The following SERINC5 variants were observed in gnomAD, a reference collection of about 807,000 sequenced individuals.
SERINC5 encodes chromosome 5 open reading frame 12.
In SERINC5, 41 loss-of-function variants were observed where a neutral mutation model predicts 63.1. The observed-to-expected ratio is 0.65, with a 90% confidence interval of 0.51 to 0.84. The LOEUF is 0.84. SERINC5 is among the 40% of genes least tolerant of loss of function. The pLI, the probability that SERINC5 is intolerant of heterozygous loss-of-function variation, is 0.00. For synonymous variants in SERINC5, 222 were observed against 215.2 expected (o/e 1.03, Z -0.28); for missense variants, 523 against 573.0 (o/e 0.91, Z 0.89).
Position 80,142,376 on chromosome 5 carries a change from G to A in SERINC5, c.*1287C>T, listed in dbSNP as rs1371892729. 11 of 841,932 alleles carry A rather than the reference G, an allele frequency of 1.3e-5. No homozygotes were observed. The highest frequency in any genetic ancestry group is 1.6e-5 in the Non-Finnish European group (11 of 699,214). 52.2% of individuals were successfully genotyped at this position (841,932 alleles called of 1,614,324 possible). On this transcript the variant is annotated 3_prime_UTR_variant, in exon 12 of 12. Coordinates refer to ENST00000507668, the MANE Select transcript of SERINC5 (RefSeq NM_001174072.3). Reference sequence around the variant, plus strand: ...AGCCTTCGAGTAGCTGGCATTACAGGCACACGCTACCATGCCCGGCTAATT... The same window carrying A: ...AGCCTTCGAGTAGCTGGCATTACAGACACACGCTACCATGCCCGGCTAATT...
Position 80,207,243 on chromosome 5 carries a change from C to G in SERINC5, c.28-4190G>C, listed in dbSNP as rs116362235. ...TCAATCTCCTGACCTTGTAATCCGC[C>G]GTCTCGGCCTCCCATAAAGTGCTGG... On this transcript the variant is annotated intron_variant, in intron 1 of 11. Coordinates refer to ENST00000507668, the MANE Select transcript of SERINC5 (RefSeq NM_001174072.3). Among the ~76,000 whole-genome samples, 10 of 152,270 alleles carry G rather than the reference C, an allele frequency of 6.6e-5. No homozygotes were observed. The South Asian group carries it at 2.1e-3, about 32-fold the overall frequency.
chr5:80,145,855 T>C (rs1429235535), intron 11 of SERINC5, among the ~76,000 whole-genome samples: 1 of 152,044 alleles, frequency 6.6e-6, no homozygotes, highest in Non-Finnish European at 1.5e-5. Flanking sequence ...ACTAAAAATA[T>C]AAAAATTAGC....
intron 1 of SERINC5, among the ~76,000 whole-genome samples, chr5:80,224,947 T>G (rs1197727520): frequency 5.1e-5 from 2 of 39,096 alleles, no homozygotes. Flanking sequence ...TTTTTTTTGT[T>G]TTTTTTTTTT....
At chr5:80,164,908 C>CTTTTTTTTTTT (rs1747171665) in intron 7 of SERINC5, among the ~76,000 whole-genome samples, 3 of 89,994 alleles carry the variant, frequency 3.3e-5, no homozygotes, top group East Asian at 3.0e-4. Context: ...AACTTTTTTT[C>CTTTTTTTTTTT]TGTTTTTTTT....
chr5:80,172,978 T>A (rs6888956), intron 5 of SERINC5, among the ~76,000 whole-genome samples: 2 of 152,144 alleles, frequency 1.3e-5, no homozygotes, highest in Admixed American at 6.6e-5. Flanking sequence ...GGAGACCCAC[T>A]TGAAGGTCTA....
chr5:80,192,960 A>C (rs1456311495), intron 2 of SERINC5, among the ~76,000 whole-genome samples: 1 of 152,152 alleles, frequency 6.6e-6, no homozygotes, highest in Admixed American at 6.5e-5. Context: ...AGACATACAC[A>C]GTCTAGCATC....
chr5:80,128,724 A>G (rs1318474418), intron 11 of SERINC5, among the ~76,000 whole-genome samples: 1 of 152,240 alleles, frequency 6.6e-6, no homozygotes, highest in Non-Finnish European at 1.5e-5. Flanking sequence ...GAATTATGCC[A>G]AGCACACATT....
chr5:80,242,348 T>C (rs1751977341), intron 1 of SERINC5, among the ~76,000 whole-genome samples: 1 of 152,152 alleles, frequency 6.6e-6, no homozygotes, highest in African/African-American at 2.4e-5. Flanking sequence ...TCAGGTGTGG[T>C]GGCTCACACC....
chr5:80,161,625 T>C (rs938131119), intron 7 of SERINC5, among the ~76,000 whole-genome samples: 2 of 152,256 alleles, frequency 1.3e-5, no homozygotes, highest in Non-Finnish European at 2.9e-5. Flanking sequence ...AGACACAGTT[T>C]GCAAATATTT....
chr5:80,198,014 A>C (rs1240959933), intron 2 of SERINC5, among the ~76,000 whole-genome samples: 3 of 151,828 alleles, frequency 2.0e-5, no homozygotes, highest in Non-Finnish European at 4.4e-5. Flanking sequence ...TAATTTTTGT[A>C]TTTTTAGTAG....
intron 2 of SERINC5, among the ~76,000 whole-genome samples, chr5:80,187,554 A>C (rs1748890125): frequency 6.6e-6 from 1 of 152,214 alleles, no homozygotes; most frequent in Admixed American, 6.5e-5. Flanking sequence ...GCCTCTTGGC[A>C]ACCAAAGCTC....
chr5:80,157,917 G>C (rs1746643243), intron 8 of SERINC5: 1 of 152,192 alleles, frequency 6.6e-6, no homozygotes, highest in Non-Finnish European at 1.5e-5. Flanking sequence ...AATAGTAGAA[G>C]TTGTTAAAGG....
At position 80,143,523 on chromosome 5, in the gene SERINC5, G is replaced by A; in HGVS notation, c.*140C>T. On this transcript the variant is annotated 3_prime_UTR_variant, in exon 12 of 12. Transcript: ENST00000507668. ...AATTTCAAAAGTAAAAAGCTAATCA[G>A]GAGATTTTTTTTTTTCTCTCTCAAA... 8 of 1,374,878 alleles carry A rather than the reference G, an allele frequency of 5.8e-6. No homozygotes were observed. The highest frequency in any genetic ancestry group is 6.6e-6 in the Non-Finnish European group (7 of 1,067,238). The allele number at this position is 1,374,878 out of a possible 1,614,324, so 85.2% of individuals were successfully genotyped here.
intron 1 of SERINC5, among the ~76,000 whole-genome samples, chr5:80,206,325 G>C (rs1360779123): frequency 3.3e-5 from 5 of 152,142 alleles, no homozygotes; most frequent in Non-Finnish European, 5.9e-5. Context: ...ATATGGGTAA[G>C]ACAACATACC....
At chr5:80,247,772 C>G (rs963105938) in intron 1 of SERINC5, among the ~76,000 whole-genome samples, 1 of 152,196 alleles carries the variant, frequency 6.6e-6, no homozygotes. Context: ...TTCCAAGATC[C>G]CCAGTGGATG....
intron 1 of SERINC5, among the ~76,000 whole-genome samples, chr5:80,244,815 C>G (rs1580217051): frequency 6.6e-6 from 1 of 152,094 alleles, no homozygotes; most frequent in Admixed American, 6.5e-5. Context: ...AAGCGAGACT[C>G]CGTCTCAAAA....
At chr5:80,177,219 T>C in intron 4 of SERINC5, 96 bp downstream of exon 4, 1 of 814,734 alleles carries the variant, frequency 1.2e-6, no homozygotes, top group Non-Finnish European at 2.0e-6. Context: ...AATCAGTAAT[T>C]CTAACTATCA....
chr5:80,169,701 C>T (rs1444774187), intron 5 of SERINC5, among the ~76,000 whole-genome samples, 155 bp from the exon 6 acceptor site: 1 of 152,184 alleles, frequency 6.6e-6, no homozygotes, highest in East Asian at 1.9e-4. Flanking sequence ...ATTATTTTAG[C>T]AGTGATTATG....
At chr5:80,226,780 AG>A (rs1409090035) in intron 1 of SERINC5, among the ~76,000 whole-genome samples, 1 of 152,222 alleles carries the variant, frequency 6.6e-6, no homozygotes, top group Non-Finnish European at 1.5e-5. Context: ...GGTGCCAGGT[AG>A]GGTCCTCAGT....
Sources: gnomAD v4.1 joint callset for allele counts (sites outside exome capture counted in the v4.1 genomes callset) on GRCh38, gnomAD v4.1.1 for gene constraint, MANE v1.5 for transcripts, NCBI Gene and HGNC (gene_info 2026-07-23, HGNC 2026-07-21) for gene names.